Variants in PDE10A observed in about 807,000 individuals in gnomAD.
PDE10A encodes cAMP and cAMP-inhibited cGMP 3',5'-cyclic phosphodiesterase 10A.
A neutral mutation model predicts 97.7 loss-of-function variants in PDE10A; 39 were observed. The observed-to-expected ratio is 0.40, with a 90% CI of 0.31 to 0.52. The LOEUF (loss-of-function observed/expected upper bound fraction) is 0.52. Ranked by LOEUF, PDE10A falls within the 20% of genes least tolerant of loss-of-function variation. PDE10A has a pLI of 0.56. For synonymous variants in PDE10A, 371 were observed against 376.8 expected (o/e 0.98, Z 0.18); for missense variants, 731 against 1,047.8 (o/e 0.70, Z 4.17).
Position 165,936,981 on chromosome 6 carries a change from A to G in PDE10A, c.-615+50548T>C, listed in dbSNP as rs528327016. On this transcript the variant is annotated intron_variant, in intron 1 of 19. Coordinates refer to the PDE10A transcript ENST00000366882. Reference sequence around the variant, plus strand: ...TTGCTTAGGGTTAAATGCAGCTTGTATTGTTGGGAACTTGTTTGTACAAAT... The same window carrying G: ...TTGCTTAGGGTTAAATGCAGCTTGTGTTGTTGGGAACTTGTTTGTACAAAT... 5.3e-5 allele frequency among the ~76,000 whole-genome samples: 8 copies of G among 152,320 alleles called. No individual in the cohort carries two copies. The East Asian group carries it at 1.5e-3, about 29-fold the overall frequency.
At chr6:165,634,295 C>A (rs532500168) in intron 1 of PDE10A, among the ~76,000 whole-genome samples, 26 of 152,026 alleles carry the variant, frequency 1.7e-4, no homozygotes, top group South Asian at 1.0e-3. Flanking sequence ...GAGGAGTGTG[C>A]GGAGTGTATC....
intron 1 of PDE10A, among the ~76,000 whole-genome samples, chr6:165,714,408 C>T (rs544524701): frequency 1.3e-5 from 2 of 152,340 alleles, no homozygotes; most frequent in South Asian, 2.1e-4. Context: ...GTCACATTTC[C>T]GTACATCAGA....
chr6:165,531,233 A>C (rs1370908270), intron 2 of PDE10A, among the ~76,000 whole-genome samples: 1 of 151,870 alleles, frequency 6.6e-6, no homozygotes, highest in African/African-American at 2.4e-5. Context: ...TTTATGGTCT[A>C]ATTGGTTGCT....
At chr6:165,466,483 T>TGCTC in intron 3 of PDE10A, among the ~76,000 whole-genome samples, 1 of 152,370 alleles carries the variant, frequency 6.6e-6, no homozygotes, top group East Asian at 1.9e-4. Context: ...TTTGCTTTAC[T>TGCTC]GCTCTTTGTA....
chr6:165,376,481 A>C (rs977984875), intron 18 of PDE10A, among the ~76,000 whole-genome samples: 2 of 152,242 alleles, frequency 1.3e-5, no homozygotes, highest in African/African-American at 4.8e-5. Context: ...GCAGGGTCTG[A>C]GAGGACTGAC....
At chr6:165,458,872 C>T (rs1374007627) in intron 3 of PDE10A, among the ~76,000 whole-genome samples, 1 of 152,122 alleles carries the variant, frequency 6.6e-6, no homozygotes, top group Non-Finnish European at 1.5e-5. Context: ...TAAAAACCCA[C>T]ATTCACAGTT....
chr6:165,673,363 A>G (rs544646705), intron 1 of PDE10A, among the ~76,000 whole-genome samples: 23 of 152,354 alleles, frequency 1.5e-4, no homozygotes, highest in African/African-American at 5.5e-4. Context: ...ACACTATTCC[A>G]AAGTGAGAAA....
intron 1 of PDE10A, among the ~76,000 whole-genome samples, chr6:165,619,659 A>ATAGTG (rs1296539898): frequency 1.5e-5 from 1 of 66,330 alleles, no homozygotes; most frequent in Admixed American, 1.7e-4. Context: ...CTAGTGTAGT[A>ATAGTG]TAGTCTAGTG....
intron 2 of PDE10A, among the ~76,000 whole-genome samples, chr6:165,509,994 A>C (rs905890812): frequency 2.0e-5 from 3 of 151,964 alleles, no homozygotes; most frequent in Non-Finnish European, 2.9e-5. Context: ...TGGTTTTTCT[A>C]AATATAAAGA....
chr6:165,689,302 T>G (rs79021782), intron 1 of PDE10A, among the ~76,000 whole-genome samples: 4,239 of 152,316 alleles, frequency 0.028, 94 homozygotes, highest in African/African-American at 0.058. Context: ...TTTCCAACAT[T>G]TTTGTGTGAG....
chr6:165,804,472 T>C (rs955702828), intron 1 of PDE10A, among the ~76,000 whole-genome samples: 3 of 152,176 alleles, frequency 2.0e-5, no homozygotes, highest in African/African-American at 7.2e-5. Flanking sequence ...CGTCCTTGTA[T>C]TGTGCGGTGG....
chr6:165,423,851 GAA>G (rs11421666), intron 10 of PDE10A, among the ~76,000 whole-genome samples: 17 of 142,610 alleles, frequency 1.2e-4, no homozygotes, highest in Middle Eastern at 3.5e-3. Context: ...TATGTCTCAG[GAA>G]AAAAAAAAAA....
At chr6:165,663,272 G>C (rs1359030178), upstream of PDE10A, among the ~76,000 whole-genome samples, 1 of 150,746 alleles carries the variant, frequency 6.6e-6, no homozygotes, top group Admixed American at 6.6e-5. Context: ...CGCCGCCGCC[G>C]CCGCCGCCGC....
At chr6:165,608,579 A>C (rs11753270) in intron 1 of PDE10A, among the ~76,000 whole-genome samples, 26,158 of 151,702 alleles carry the variant, frequency 0.17, 2,634 homozygotes, top group African/African-American at 0.28. Context: ...CATACATGTG[A>C]TTGTGTCTTT....
At chr6:165,978,152 A>AT (rs1784904294) in intron 1 of PDE10A, among the ~76,000 whole-genome samples, 1 of 152,176 alleles carries the variant, frequency 6.6e-6, no homozygotes, top group Admixed American at 6.5e-5. Context: ...CTTGGTGTTT[A>AT]TTTATGTTAA....
At chr6:165,776,691 C>G (rs1431969617) in intron 1 of PDE10A, among the ~76,000 whole-genome samples, 1 of 152,224 alleles carries the variant, frequency 6.6e-6, no homozygotes, top group Admixed American at 6.5e-5. Context: ...CCTCTTTTCT[C>G]TTTCCATCCC....
At chr6:165,908,765 T>A (rs1782374105) in intron 1 of PDE10A, 1 of 152,108 alleles carries the variant, frequency 6.6e-6, no homozygotes, top group Admixed American at 6.5e-5. Flanking sequence ...GAGTAGTAAA[T>A]CTCCAGGGTG....
intron 2 of PDE10A, among the ~76,000 whole-genome samples, chr6:165,519,480 A>G (rs2128307415): frequency 6.6e-6 from 1 of 151,922 alleles, no homozygotes; most frequent in East Asian, 1.9e-4. Flanking sequence ...AAAAAAAACC[A>G]CATCAGAAGA....
chr6:165,342,763 T>C (rs1253866410), intron 19 of PDE10A, among the ~76,000 whole-genome samples: 4 of 152,194 alleles, frequency 2.6e-5, no homozygotes, highest in Non-Finnish European at 5.9e-5. Context: ...GATGGGAGAA[T>C]GATATTCTAC....
Sources: allele counts gnomAD v4.1 joint callset (sites outside exome capture counted in the v4.1 genomes callset), GRCh38; gene constraint gnomAD v4.1.1; transcripts MANE v1.5; gene names NCBI Gene and HGNC (gene_info 2026-07-23, HGNC 2026-07-21).